KCNN2: variants seen among roughly 807,000 people sequenced by gnomAD.
The protein encoded by KCNN2 is potassium calcium-activated channel subfamily N member 2, also known as small conductance calcium-activated potassium channel protein 2.
In KCNN2, 24 loss-of-function variants were observed where a neutral mutation model predicts 55.5. The ratio of observed to expected loss-of-function variants is 0.43; its 90% CI spans 0.31 to 0.61. KCNN2 has a LOEUF of 0.61. KCNN2 is among the 20% of genes least tolerant of loss of function. The pLI is 0.08. For synonymous variants in KCNN2, 431 were observed against 336.1 expected, an observed-to-expected ratio of 1.28 and a Z score of -3.09; for missense variants, 754 against 853.6, an observed-to-expected ratio of 0.88 and a Z score of 1.45.
chr5:114,270,799 G>A (rs1040740449), intron 2 of KCNN2, among the ~76,000 whole-genome samples: 3 of 152,114 alleles, frequency 2.0e-5, no homozygotes, highest in East Asian at 1.9e-4. Flanking sequence ...ACGGACCCTC[G>A]TGGTGAGTGT....
In KCNN2 at chr5:114,063,036, T is replaced by A. The variant is rs1047748369; in HGVS notation, c.-271+6536T>A. On this transcript the variant is annotated intron_variant, in intron 1 of 10. Transcript: ENST00000512097. ...TTTTCTGCTTAACTTTAAGGAAGAG[T>A]TTTTTCTTTCCATGTCAGAGAAAAA... Among the ~76,000 whole-genome samples the A allele has an allele frequency of 2.2e-4, 34 of 152,060 alleles. 1 individual carries two copies. The highest frequency in any genetic ancestry group is 4.7e-4 in the Non-Finnish European group (32 of 67,996).
At chr5:114,099,543 C>A (rs139182662) in intron 1 of KCNN2, among the ~76,000 whole-genome samples, 255 of 152,228 alleles carry the variant, frequency 1.7e-3, no homozygotes, top group South Asian at 6.8e-3. Flanking sequence ...CAGGTGCAAT[C>A]ATAGCATACT....
intron 2 of KCNN2, among the ~76,000 whole-genome samples, chr5:114,303,005 C>T (rs1756198810): frequency 6.6e-6 from 1 of 152,190 alleles, no homozygotes; most frequent in Admixed American, 6.5e-5. Context: ...CTTAGCAAAG[C>T]CCAGAGGCAG....
intron 5 of KCNN2, among the ~76,000 whole-genome samples, chr5:114,484,272 G>T (rs1036100676): frequency 7.2e-5 from 11 of 152,062 alleles, no homozygotes; most frequent in Non-Finnish European, 1.3e-4. Flanking sequence ...TAACTAGATG[G>T]TTATATGGCA....
At chr5:114,199,969 T>C (rs1439097477) in intron 1 of KCNN2, among the ~76,000 whole-genome samples, 1 of 152,132 alleles carries the variant, frequency 6.6e-6, no homozygotes, top group Non-Finnish European at 1.5e-5. Flanking sequence ...CTTTAGATAT[T>C]CTGAACTCTA....
chr5:114,463,272 T>A, intron 4 of KCNN2, 82 bp downstream of exon 4: 2 of 1,050,958 alleles, frequency 1.9e-6, no homozygotes, highest in Non-Finnish European at 1.4e-6. Flanking sequence ...CATAAGTAAT[T>A]GTGAGCTACT....
At chr5:114,338,038 G>A (rs1756950612) in intron 2 of KCNN2, among the ~76,000 whole-genome samples, 2 of 152,132 alleles carry the variant, frequency 1.3e-5, no homozygotes, top group African/African-American at 4.8e-5. Flanking sequence ...ATTTCCTTGA[G>A]CAAAATCAAC....
At chr5:114,196,015 T>C (rs566415483) in intron 1 of KCNN2, among the ~76,000 whole-genome samples, 1 of 152,084 alleles carries the variant, frequency 6.6e-6, no homozygotes, top group South Asian at 2.1e-4. Context: ...CATGTGGGTA[T>C]GGAGTTCTCT....
chr5:114,439,263 T>C (rs903330215), intron 3 of KCNN2, among the ~76,000 whole-genome samples: 1 of 152,226 alleles, frequency 6.6e-6, no homozygotes, highest in Non-Finnish European at 1.5e-5. Context: ...TGAGGACCAC[T>C]TCTAATCTTG....
chr5:114,080,801 A>T (rs538644256), intron 1 of KCNN2, among the ~76,000 whole-genome samples: 1 of 152,264 alleles, frequency 6.6e-6, no homozygotes, highest in African/African-American at 2.4e-5. Context: ...TGCCACTTCT[A>T]TTCAACATAG....
chr5:114,372,036 T>G (rs978776753), intron 2 of KCNN2, among the ~76,000 whole-genome samples: 17 of 152,214 alleles, frequency 1.1e-4, no homozygotes, highest in African/African-American at 4.1e-4. Context: ...GACCAGCATA[T>G]CAGCCTGTCA....
chr5:114,081,383 A>G (rs1750817076), intron 1 of KCNN2, among the ~76,000 whole-genome samples: 2 of 152,200 alleles, frequency 1.3e-5, no homozygotes, highest in East Asian at 1.9e-4. Context: ...TTCTCATTTC[A>G]AGACTTATTA....
At chr5:114,306,048 G>C (rs942481895) in intron 2 of KCNN2, among the ~76,000 whole-genome samples, 3 of 152,190 alleles carry the variant, frequency 2.0e-5, no homozygotes, top group African/African-American at 7.2e-5. Context: ...ATGTCAAGGT[G>C]ATCAAGGTTT....
chr5:114,316,194 A>G (rs1756496824), intron 2 of KCNN2, among the ~76,000 whole-genome samples: 1 of 152,174 alleles, frequency 6.6e-6, no homozygotes, highest in African/African-American at 2.4e-5. Context: ...TAGGAGATGC[A>G]GCATGGTACC....
chr5:114,378,725 G>T (rs1161208122), intron 2 of KCNN2, among the ~76,000 whole-genome samples: 1 of 149,936 alleles, frequency 6.7e-6, no homozygotes, highest in South Asian at 2.1e-4. Flanking sequence ...GCATAACTTA[G>T]TGTCAGCATC....
At position 114,398,570 on chromosome 5, in the gene KCNN2, T is replaced by A. The variant is rs550382685; in HGVS notation, c.1219-5868T>A. 5.9e-5 allele frequency among the ~76,000 whole-genome samples: 9 copies of A among 152,304 alleles called. No individual in the cohort carries two copies. The South Asian group carries it at 1.9e-3, about 32-fold the overall frequency. On this transcript the variant is annotated intron_variant, in intron 2 of 7. Coordinates refer to ENST00000673685, the MANE Select transcript of KCNN2 (RefSeq NM_021614.4). ...CCATGTGAATTTTAAAATAGTTTTTTCTATTTCTGTGAAGAATGTCATTGA... is the reference window on the plus strand; with the variant it reads ...CCATGTGAATTTTAAAATAGTTTTTACTATTTCTGTGAAGAATGTCATTGA...
intron 2 of KCNN2, among the ~76,000 whole-genome samples, chr5:114,399,091 T>C (rs1400399293): frequency 1.3e-5 from 2 of 152,072 alleles, no homozygotes. Context: ...TGAATAGGAG[T>C]GGTAAGAGAG....
At chr5:114,364,135 C>T in intron 2 of KCNN2, 134 bp downstream of exon 2, 1 of 651,640 alleles carries the variant, frequency 1.5e-6, no homozygotes, top group South Asian at 1.8e-5. Context: ...TGTATTGTTA[C>T]CGTTAGCACC....
At chr5:114,462,437 G>T (rs942413094) in intron 3 of KCNN2, among the ~76,000 whole-genome samples, 3 of 152,170 alleles carry the variant, frequency 2.0e-5, no homozygotes, top group Admixed American at 6.5e-5. Flanking sequence ...TACAGTTTCT[G>T]TGTTCAAGGA....
Sources: gnomAD v4.1 joint callset for allele counts (sites outside exome capture counted in the v4.1 genomes callset) on GRCh38, gnomAD v4.1.1 for gene constraint, MANE v1.5 for transcripts, NCBI Gene and HGNC (gene_info 2026-07-23, HGNC 2026-07-21) for gene names.